The following FLT1 variants were observed in gnomAD, a reference collection of about 807,000 sequenced individuals.
FLT1 encodes vascular endothelial growth factor receptor 1.
FLT1 carries 49 observed loss-of-function variants against 156.3 expected under a neutral mutation model. That is an observed-to-expected ratio of 0.31 (90% CI 0.25 to 0.40). The LOEUF (loss-of-function observed/expected upper bound fraction) is 0.40, where lower values mean the gene tolerates loss of function less well. Among genes scored for constraint, FLT1 ranks in the 10% least tolerant of loss-of-function variants. FLT1 has a pLI of 1.00. For missense variants in FLT1, 1,322 were observed against 1,637.2 expected, an observed-to-expected ratio of 0.81 and a Z score of 3.32; for synonymous variants, 594 against 583.8, an observed-to-expected ratio of 1.02 and a Z score of -0.25.
At chr13:28,314,014 T>C (rs1244433468) in intron 25 of FLT1, among the ~76,000 whole-genome samples, 1 of 151,734 alleles carries the variant, frequency 6.6e-6, no homozygotes, top group Non-Finnish European at 1.5e-5. Flanking sequence ...CTGGACAACA[T>C]AGTGAGACTT....
intron 14 of FLT1, among the ~76,000 whole-genome samples, chr13:28,373,233 G>A (rs1229598575): frequency 6.6e-6 from 1 of 152,206 alleles, no homozygotes; most frequent in African/African-American, 2.4e-5. Flanking sequence ...GTTTCTCAGT[G>A]ATGCTCAGTT....
intron 1 of FLT1, among the ~76,000 whole-genome samples, 186 bp from the exon 2 acceptor site, chr13:28,467,803 C>T (rs1446797477): frequency 6.6e-6 from 1 of 151,994 alleles, no homozygotes; most frequent in Non-Finnish European, 1.5e-5. Context: ...TTTTTTCTAG[C>T]TCTACCCTTG....
chr13:28,491,805 A>G (rs1033297879), intron 1 of FLT1, among the ~76,000 whole-genome samples: 3 of 152,258 alleles, frequency 2.0e-5, no homozygotes, highest in African/African-American at 7.2e-5. Flanking sequence ...AGGGCCTTAG[A>G]AATCAACCAC....
At chr13:28,471,170 G>A (rs1178131529) in intron 1 of FLT1, among the ~76,000 whole-genome samples, 3 of 152,146 alleles carry the variant, frequency 2.0e-5, no homozygotes, top group Non-Finnish European at 4.4e-5. Context: ...TAACATCAGT[G>A]TATTTTGCAC....
chr13:28,398,422 G>C (rs1924978), intron 11 of FLT1, among the ~76,000 whole-genome samples: 2,233 of 152,274 alleles, frequency 0.015, 47 homozygotes, highest in African/African-American at 0.051. Flanking sequence ...ACATTTTCTT[G>C]AGTTTCTAAG....
intron 1 of FLT1, among the ~76,000 whole-genome samples, chr13:28,493,456 TA>T (rs1002696776): frequency 3.3e-5 from 5 of 152,274 alleles, no homozygotes; most frequent in Admixed American, 6.5e-5. Flanking sequence ...ACTGACGGTC[TA>T]GTTAGTCTTC....
intron 14 of FLT1, among the ~76,000 whole-genome samples, chr13:28,379,834 T>C (rs1387507123): frequency 6.6e-6 from 1 of 152,214 alleles, no homozygotes; most frequent in Non-Finnish European, 1.5e-5. Flanking sequence ...TGACAGTTTT[T>C]TCCTGAAAGG....
intron 14 of FLT1, among the ~76,000 whole-genome samples, chr13:28,370,375 G>C (rs1873506133): frequency 6.6e-6 from 1 of 152,138 alleles, no homozygotes; most frequent in South Asian, 2.1e-4. Context: ...TAAATGACGA[G>C]TTAATGGGTG....
intron 17 of FLT1, among the ~76,000 whole-genome samples, chr13:28,338,272 T>C (rs1221236015): frequency 6.6e-6 from 1 of 151,650 alleles, no homozygotes; most frequent in Non-Finnish European, 1.5e-5. Context: ...AACAACAGGC[T>C]CTCCACACCG....
At chr13:28,361,231 A>T (rs990812127) in intron 14 of FLT1, among the ~76,000 whole-genome samples, 1 of 152,078 alleles carries the variant, frequency 6.6e-6, no homozygotes, top group African/African-American at 2.4e-5. Context: ...GTGAGCCAAG[A>T]TGGTGCCCCT....
intron 24 of FLT1, among the ~76,000 whole-genome samples, chr13:28,318,304 G>A (rs1030074239): frequency 1.3e-5 from 2 of 152,178 alleles, no homozygotes; most frequent in Admixed American, 6.5e-5. Context: ...GCTGAATGGA[G>A]TGGAATGGGG....
intron 23 of FLT1, among the ~76,000 whole-genome samples, chr13:28,320,135 A>G (rs1871383234): frequency 6.6e-6 from 1 of 152,114 alleles, no homozygotes; most frequent in Non-Finnish European, 1.5e-5. Flanking sequence ...TCACCACTTT[A>G]GATGATGGGG....
chr13:28,453,272 T>G (rs916232873), intron 3 of FLT1, among the ~76,000 whole-genome samples: 1 of 151,532 alleles, frequency 6.6e-6, no homozygotes, highest in Non-Finnish European at 1.5e-5. Flanking sequence ...TACAGGCATG[T>G]GCCACCACAC....
intron 10 of FLT1, among the ~76,000 whole-genome samples, chr13:28,411,303 A>G (rs1191149434): frequency 6.6e-6 from 1 of 151,906 alleles, no homozygotes; most frequent in South Asian, 2.1e-4. Context: ...TGTAAATCCC[A>G]GCACTTTGGG....
chr13:28,331,849 G>T (rs1280049519), intron 18 of FLT1, among the ~76,000 whole-genome samples: 1 of 146,088 alleles, frequency 6.8e-6, no homozygotes, highest in African/African-American at 2.6e-5. Context: ...AATCAATGCT[G>T]ATGGCTAAAA....
chr13:28,380,092 A>G (rs989936962), intron 14 of FLT1, among the ~76,000 whole-genome samples: 2 of 152,200 alleles, frequency 1.3e-5, no homozygotes, highest in South Asian at 4.1e-4. Context: ...GTGCACCTCA[A>G]GTATCTAAAG....
At chr13:28,350,706 G>A (rs986844507) in intron 15 of FLT1, among the ~76,000 whole-genome samples, 30 of 152,078 alleles carry the variant, frequency 2.0e-4, no homozygotes, top group Non-Finnish European at 3.4e-4. Flanking sequence ...TTGTCCCAGG[G>A]CCTGCCTTGA....
intron 11 of FLT1, among the ~76,000 whole-genome samples, chr13:28,404,953 GA>G (rs1442642934): frequency 6.6e-6 from 1 of 151,002 alleles, no homozygotes; most frequent in African/African-American, 2.4e-5. Flanking sequence ...CCAGGAGGCA[GA>G]GGTTGCAGTG....
chr13:28,383,334 A>G (rs537384177), intron 14 of FLT1, among the ~76,000 whole-genome samples: 35 of 152,342 alleles, frequency 2.3e-4, no homozygotes, highest in African/African-American at 8.4e-4. Flanking sequence ...CATTGAGTTC[A>G]CATGAAATGA....
Sources: allele counts gnomAD v4.1 joint callset (sites outside exome capture counted in the v4.1 genomes callset), GRCh38; gene constraint gnomAD v4.1.1; transcripts MANE v1.5; gene names NCBI Gene and HGNC (gene_info 2026-07-23, HGNC 2026-07-21).